FBP1: variants seen among roughly 807,000 people sequenced by gnomAD.
FBP1 encodes fructose-bisphosphatase 1, also known as fructose-1,6-bisphosphatase 1.
In FBP1, 22 loss-of-function variants were observed where a neutral mutation model predicts 29.9. The ratio of observed to expected loss-of-function variants is 0.74; its 90% CI spans 0.53 to 1.05. The LOEUF (loss-of-function observed/expected upper bound fraction) is 1.05. Among genes scored for constraint, FBP1 ranks in the 50% least tolerant of loss-of-function variants. The pLI, the probability that FBP1 is intolerant of heterozygous loss-of-function variation, is 0.00. For synonymous variants in FBP1, 175 were observed against 178.6 expected, an observed-to-expected ratio of 0.98 and a Z score of 0.16; for missense variants, 345 against 448.2, an observed-to-expected ratio of 0.77 and a Z score of 2.08.
chr9:94,618,636 C>A (rs1329285619), intron 2 of FBP1, among the ~76,000 whole-genome samples: 1 of 152,036 alleles, frequency 6.6e-6, no homozygotes, highest in East Asian at 1.9e-4. Context: ...GAGGCCCTGT[C>A]TCTAAAAACA....
At chr9:94,635,884 T>C (rs1563990061) in intron 1 of FBP1, among the ~76,000 whole-genome samples, 1 of 152,232 alleles carries the variant, frequency 6.6e-6, no homozygotes, top group Non-Finnish European at 1.5e-5. Flanking sequence ...GATGTCCCGA[T>C]ATTAATGGAT....
intron 1 of FBP1, among the ~76,000 whole-genome samples, chr9:94,620,732 G>A (rs1302196666): frequency 1.3e-5 from 2 of 152,132 alleles, no homozygotes; most frequent in Non-Finnish European, 2.9e-5. Context: ...ATAGACACAG[G>A]GAGGGGAACA....
At chr9:94,635,714 G>A (rs570322216) in intron 1 of FBP1, among the ~76,000 whole-genome samples, 2 of 152,272 alleles carry the variant, frequency 1.3e-5, no homozygotes, top group African/African-American at 4.8e-5. Context: ...AGTCCTGTCA[G>A]CTACCCCAAC....
chr9:94,638,082 A>C (rs1828220103), intron 1 of FBP1, among the ~76,000 whole-genome samples: 1 of 82,428 alleles, frequency 1.2e-5, no homozygotes, highest in Non-Finnish European at 2.4e-5. Context: ...GCAAAATTCC[A>C]TCTCAAAAAA....
chr9:94,604,456 G>T (rs1191846528), intron 6 of FBP1, among the ~76,000 whole-genome samples: 1 of 148,004 alleles, frequency 6.8e-6, no homozygotes, highest in Non-Finnish European at 1.5e-5. Context: ...TGTGTTTAAG[G>T]GAACTGTTGT....
At chr9:94,633,712 CT>C (rs1237963629) in intron 1 of FBP1, among the ~76,000 whole-genome samples, 11 of 149,172 alleles carry the variant, frequency 7.4e-5, no homozygotes, top group South Asian at 4.3e-4. Flanking sequence ...AAGCATCTTT[CT>C]TTTTTTTTTG....
chr9:94,639,346 A>AGCGGCAGGTGCGGG lies in FBP1; in HGVS notation c.-50_-37dup, dbSNP rs764449536. ...GGTAGAGCGCGGGGCTGCAGGTGCA[A>AGCGGCAGGTGCGGG]GCGGCAGGTGCGGGGCTGCAGGTGC... is the stretch of plus-strand genomic sequence containing the variant. On this transcript the variant is annotated 5_prime_UTR_variant, in exon 1 of 7. Coordinates refer to ENST00000375326, the MANE Select transcript of FBP1 (RefSeq NM_000507.4). 78 of 1,587,694 alleles carry AGCGGCAGGTGCGGG rather than the reference A, an allele frequency of 4.9e-5. No individual in the cohort carries two copies. The South Asian group carries it at 8.6e-4, about 17-fold the overall frequency.
chr9:94,639,571 C>A (rs1048238505), upstream of FBP1: 15 of 575,692 alleles, frequency 2.6e-5, no homozygotes, highest in East Asian at 2.1e-4. Context: ...GTCGGCCCCC[C>A]GCCCCCGGGA....
intron 2 of FBP1, among the ~76,000 whole-genome samples, chr9:94,618,455 TAAAAAAAAAAAAAAAAAAAAA>T (rs59806476): frequency 1.3e-5 from 1 of 74,592 alleles, no homozygotes; most frequent in South Asian, 6.0e-4. Flanking sequence ...ACTCCTTCTG[TAAAAAAAAAAAAAAAAAAAAA>T]AAAAAAAAAA....
In FBP1 at chr9:94,613,556, G is replaced by A. The variant is rs1587856892; in HGVS notation, c.427-3495C>T. Reference sequence around the variant, plus strand: ...GAGGCGGGAGGATCGCCTCAGCCCAGGAGTTCAACACCAGCCTGGGAAACA... The same window carrying A: ...GAGGCGGGAGGATCGCCTCAGCCCAAGAGTTCAACACCAGCCTGGGAAACA... On this transcript the variant is annotated intron_variant, in intron 3 of 6. Transcript: ENST00000375326. Among the ~76,000 whole-genome samples, 3 of 151,800 alleles carry A rather than the reference G, an allele frequency of 2.0e-5. No homozygotes were observed. In the South Asian group the frequency reaches 6.2e-4, roughly 32 times the overall value.
Position 94,605,574 on chromosome 9 carries a change from A to G in FBP1, c.708T>C (p.Asp236=). The G allele has an allele frequency of 5.0e-6, 8 of 1,614,022 alleles. No homozygotes were observed. The highest frequency in any genetic ancestry group is 5.9e-6 in the Non-Finnish European group (7 of 1,179,930). Residue 236 remains aspartate, a splice_region_variant and synonymous_variant, in exon 6 of 7, where the codon GAT becomes GAC. Transcript: ENST00000375326. ...ACCGGGCCCCATAAGGAGCTGAATT[A>G]TCCTGCAAGTTAAGACCAGCAAGAA... is the stretch of plus-strand genomic sequence containing the variant. ...EYIQRKKFPP[D]NSAPYGARYV... is the part of the protein sequence containing the mutation.
chr9:94,605,562 A>G lies in FBP1; in HGVS notation c.720T>C (p.Pro240=), dbSNP rs1827685646. The part of the protein sequence containing the change: ...RKKFPPDNSA[P]YGARYVGSMV... The stretch of plus-strand genomic sequence containing the variant: ...TGGAGCCCACATACCGGGCCCCATA[A>G]GGAGCTGAATTATCCTGCAAGTTAA... Residue 240 remains proline, a synonymous_variant, in exon 6 of 7, where the codon CCT becomes CCC. Coordinates refer to ENST00000375326, the MANE Select transcript of FBP1 (RefSeq NM_000507.4). 1 of 1,613,930 alleles carries G rather than the reference A, an allele frequency of 6.2e-7. No individual in the cohort carries two copies.
chr9:94,634,469 T>C (rs963485501), intron 1 of FBP1, among the ~76,000 whole-genome samples: 1 of 152,220 alleles, frequency 6.6e-6, no homozygotes, highest in African/African-American at 2.4e-5. Context: ...AGTGAATTCT[T>C]CAGTCAGTGA....
intron 1 of FBP1, among the ~76,000 whole-genome samples, chr9:94,628,302 CTTG>C (rs1232070784): frequency 6.7e-6 from 1 of 150,108 alleles, no homozygotes; most frequent in East Asian, 2.0e-4. Context: ...ACAAGAATTG[CTTG>C]AACCCAGGAG....
intron 5 of FBP1, 51 bp downstream of exon 5, chr9:94,606,764 C>G (rs777582074): frequency 1.3e-6 from 2 of 1,590,218 alleles, no homozygotes; most frequent in Non-Finnish European, 8.6e-7. Context: ...AGAACGGCCT[C>G]TGGTGCCAGA....
At chr9:94,629,912 C>T (rs1354244297) in intron 1 of FBP1, among the ~76,000 whole-genome samples, 1 of 152,164 alleles carries the variant, frequency 6.6e-6, no homozygotes, top group Non-Finnish European at 1.5e-5. Flanking sequence ...GCTCACCTCA[C>T]CTGTTGGGCC....
intron 3 of FBP1, among the ~76,000 whole-genome samples, chr9:94,611,171 T>C (rs888240964): frequency 3.9e-5 from 6 of 152,218 alleles, no homozygotes; most frequent in African/African-American, 1.4e-4. Flanking sequence ...CCTGATCTTC[T>C]TTATTAACAC....
intron 1 of FBP1, among the ~76,000 whole-genome samples, chr9:94,638,459 C>A (rs1828228363): frequency 6.6e-6 from 1 of 152,226 alleles, no homozygotes; most frequent in South Asian, 2.1e-4. Flanking sequence ...AGGCTGCACA[C>A]ACCATCATTG....
At chr9:94,608,718 C>T (rs1464836697) in intron 4 of FBP1, among the ~76,000 whole-genome samples, 1 of 151,886 alleles carries the variant, frequency 6.6e-6, no homozygotes, top group Non-Finnish European at 1.5e-5. Flanking sequence ...AAGTCCACTT[C>T]CCTGACAGCC....
Sources: gnomAD v4.1 joint callset for allele counts (sites outside exome capture counted in the v4.1 genomes callset) on GRCh38, gnomAD v4.1.1 for gene constraint, MANE v1.5 for transcripts, NCBI Gene and HGNC (gene_info 2026-07-23, HGNC 2026-07-21) for gene names.